The following NRG1 variants were observed in gnomAD, a reference collection of about 807,000 sequenced individuals.
NRG1 encodes the protein neuregulin 1.
NRG1 carries 18 observed loss-of-function variants against 63.8 expected under a neutral mutation model. The ratio of observed to expected loss-of-function variants is 0.28; its 90% confidence interval spans 0.19 to 0.42. The LOEUF (loss-of-function observed/expected upper bound fraction) is 0.42, where lower values mean the gene tolerates loss of function less well. Ranked by LOEUF, NRG1 falls within the 10% of genes least tolerant of loss-of-function variation. The pLI, the probability that NRG1 is intolerant of heterozygous loss-of-function variation, is 1.00. For missense variants in NRG1, 762 were observed against 814.7 expected, an observed-to-expected ratio of 0.94 and a Z score of 0.79; for synonymous variants, 302 against 301.3, an observed-to-expected ratio of 1.00 and a Z score of -0.02.
chr8:32,491,357 C>T lies in NRG1; in HGVS notation c.38-104471C>T, dbSNP rs1022275828. On this transcript the variant is annotated intron_variant, in intron 1 of 10. Transcript: ENST00000519301. ...AGATACACCTTTGAATCTATTATTT[C>T]AATATGCTTATAAAAATTACTATTT... is the stretch of plus-strand genomic sequence containing the variant. 6.6e-5 allele frequency among the ~76,000 whole-genome samples: 10 copies of T among 152,042 alleles called. No homozygotes were observed. The South Asian group carries it at 1.2e-3, about 19-fold the overall frequency.
chr8:32,727,865 C>T, intron 5 of NRG1, 84 bp from the exon 6 acceptor site: 1 of 1,390,590 alleles, frequency 7.2e-7, no homozygotes, highest in Non-Finnish European at 1.0e-6. Context: ...TGAACTCTTC[C>T]TTTTAGGATA....
chr8:31,898,630 G>A (rs1831803650), intron 1 of NRG1, among the ~76,000 whole-genome samples: 2 of 152,168 alleles, frequency 1.3e-5, no homozygotes, highest in Non-Finnish European at 2.9e-5. Context: ...CTTGAATTCA[G>A]GAGGCAGAGG....
intron 1 of NRG1, among the ~76,000 whole-genome samples, chr8:32,054,859 C>CT (rs1425879994): frequency 1.4e-5 from 1 of 70,688 alleles, no homozygotes; most frequent in Non-Finnish European, 2.7e-5. Context: ...AGATTTCTTT[C>CT]TTTCTTTTTT....
At chr8:31,946,365 T>C (rs1010021360) in intron 1 of NRG1, among the ~76,000 whole-genome samples, 2 of 152,184 alleles carry the variant, frequency 1.3e-5, no homozygotes, top group Admixed American at 6.5e-5. Flanking sequence ...CTATGGCTCT[T>C]CTTGGAAAAA....
intron 1 of NRG1, among the ~76,000 whole-genome samples, chr8:32,403,945 A>G (rs755141803): frequency 9.2e-5 from 14 of 152,148 alleles, no homozygotes; most frequent in African/African-American, 3.4e-4. Flanking sequence ...TTCTGTTGCC[A>G]CCTTCCCAAG....
intron 1 of NRG1, among the ~76,000 whole-genome samples, chr8:32,522,529 C>A (rs553135599): frequency 3.3e-5 from 5 of 152,294 alleles, no homozygotes; most frequent in Admixed American, 3.3e-4. Flanking sequence ...AACCACGTAT[C>A]CTAGTTCATG....
In NRG1 at chr8:31,712,420, C is replaced by T. The variant is rs557106408; in HGVS notation, c.37+72989C>T. ...AGTAGCTGGGACTATAGGCACGTGCCACCACATCCGGCTAATTTTTTGTAT... is the reference window on the plus strand; with the variant it reads ...AGTAGCTGGGACTATAGGCACGTGCTACCACATCCGGCTAATTTTTTGTAT... On this transcript the variant is annotated intron_variant, in intron 1 of 10. Transcript: ENST00000519301. Among the ~76,000 whole-genome samples, 9 of 152,004 alleles carry T rather than the reference C, an allele frequency of 5.9e-5. No individual in the cohort carries two copies. The South Asian group carries it at 1.7e-3, about 28-fold the overall frequency.
At chr8:32,521,778 A>C (rs563057229) in intron 1 of NRG1, among the ~76,000 whole-genome samples, 3 of 152,212 alleles carry the variant, frequency 2.0e-5, no homozygotes, top group Non-Finnish European at 2.9e-5. Context: ...TTTTTGAAGA[A>C]GATACAGCTT....
At chr8:31,875,461 T>A (rs1829841697) in intron 1 of NRG1, among the ~76,000 whole-genome samples, 1 of 152,192 alleles carries the variant, frequency 6.6e-6, no homozygotes, top group Non-Finnish European at 1.5e-5. Context: ...ACTGTCAACT[T>A]GTGCTTTTGA....
chr8:32,505,441 A>G (rs1188154739), intron 1 of NRG1, among the ~76,000 whole-genome samples: 5 of 152,202 alleles, frequency 3.3e-5, no homozygotes, highest in African/African-American at 4.8e-5. Context: ...GTCTTTGACA[A>G]TTTAGGATCT....
chr8:31,812,388 T>C (rs1822975650), intron 1 of NRG1, among the ~76,000 whole-genome samples: 1 of 152,186 alleles, frequency 6.6e-6, no homozygotes, highest in Non-Finnish European at 1.5e-5. Flanking sequence ...GTGATGTGGC[T>C]GCTGCTCCTG....
intron 1 of NRG1, among the ~76,000 whole-genome samples, chr8:32,065,312 C>T (rs189234227): frequency 0.01 from 1,552 of 152,208 alleles, 30 homozygotes; most frequent in South Asian, 0.083. Context: ...ATTAACTCAT[C>T]ATTTAACATT....
chr8:32,590,558 C>A (rs1334398666), intron 1 of NRG1, among the ~76,000 whole-genome samples: 1 of 152,050 alleles, frequency 6.6e-6, no homozygotes, highest in Non-Finnish European at 1.5e-5. Context: ...TTTTAAAATT[C>A]GAGTACTTAC....
intron 1 of NRG1, among the ~76,000 whole-genome samples, chr8:31,796,586 C>T (rs1176269426): frequency 6.6e-6 from 1 of 151,812 alleles, no homozygotes; most frequent in Non-Finnish European, 1.5e-5. Context: ...GCTCCCGCCA[C>T]CACACCAGGC....
intron 1 of NRG1, among the ~76,000 whole-genome samples, chr8:32,113,728 A>G (rs551781659): frequency 6.6e-6 from 1 of 152,352 alleles, no homozygotes; most frequent in South Asian, 2.1e-4. Context: ...AATCAGTTTG[A>G]TGGGTCAAGA....
At chr8:32,485,425 C>T (rs1392183137) in intron 1 of NRG1, among the ~76,000 whole-genome samples, 1 of 152,102 alleles carries the variant, frequency 6.6e-6, no homozygotes, top group Non-Finnish European at 1.5e-5. Flanking sequence ...CCTTTCTTCA[C>T]TTTTCTGCTT....
At chr8:31,727,204 T>A (rs1031394005) in intron 1 of NRG1, among the ~76,000 whole-genome samples, 3 of 152,142 alleles carry the variant, frequency 2.0e-5, no homozygotes, top group Non-Finnish European at 4.4e-5. Context: ...TGTAAATAAA[T>A]AATTAAAACA....
At chr8:31,859,933 T>G (rs1828312714) in intron 1 of NRG1, among the ~76,000 whole-genome samples, 1 of 148,222 alleles carries the variant, frequency 6.7e-6, no homozygotes, top group South Asian at 2.1e-4. Context: ...GCCTGCTTAG[T>G]TTTTTTTCCC....
chr8:32,321,458 G>GT, intron 1 of NRG1, among the ~76,000 whole-genome samples: 1 of 148,700 alleles, frequency 6.7e-6, no homozygotes, highest in Admixed American at 6.7e-5. Flanking sequence ...GATTATAAAG[G>GT]TTAGAATCAT....
Sources: allele counts gnomAD v4.1 joint callset (sites outside exome capture counted in the v4.1 genomes callset), GRCh38; gene constraint gnomAD v4.1.1; transcripts MANE v1.5; gene names NCBI Gene and HGNC (gene_info 2026-07-23, HGNC 2026-07-21).